Variants in MAF observed in about 807,000 individuals in gnomAD.
The protein encoded by MAF is MAF bZIP transcription factor, also known as transcription factor Maf.
Under a neutral mutation model 22.0 loss-of-function variants are expected in MAF, and 10 were observed. That is an observed-to-expected ratio of 0.45 (90% CI 0.28 to 0.77). The LOEUF is 0.77. Ranked by LOEUF, MAF falls within the 30% of genes least tolerant of loss-of-function variation. The pLI is 0.12. For missense variants in MAF, 544 were observed against 548.4 expected (o/e 0.99, Z 0.08); for synonymous variants, 337 against 255.8 (o/e 1.32, Z -3.03).
the MAF span, among the ~76,000 whole-genome samples, chr16:79,565,225 C>A: frequency 2.0e-5 from 3 of 152,196 alleles, no homozygotes; most frequent in South Asian, 2.1e-4. Context: ...TGAACCCGGC[C>A]CAATTACCTG....
chr16:79,470,033 C>T, the MAF span, among the ~76,000 whole-genome samples: 363 of 152,320 alleles, frequency 2.4e-3, 2 homozygotes, highest in African/African-American at 7.2e-3. Context: ...CAGAAACGTG[C>T]GGTCTGCTCC....
At chr16:79,302,138 G>A in the MAF span, among the ~76,000 whole-genome samples, 101 of 152,330 alleles carry the variant, frequency 6.6e-4, no homozygotes, top group Admixed American at 1.0e-3. Flanking sequence ...GGTGCCAGGC[G>A]AGGGCTGGGA....
chr16:79,208,282 A>G, the MAF span, among the ~76,000 whole-genome samples: 9 of 152,004 alleles, frequency 5.9e-5, no homozygotes, highest in African/African-American at 1.7e-4. Flanking sequence ...GTCGTCAACA[A>G]CCTAACTCAT....
At chr16:79,571,677 G>A in the MAF span, among the ~76,000 whole-genome samples, 6 of 151,728 alleles carry the variant, frequency 4.0e-5, no homozygotes, top group Admixed American at 6.6e-5. Flanking sequence ...TCTATCCTCT[G>A]CTCTCCTAGG....
At chr16:79,210,768 G>C in the MAF span, among the ~76,000 whole-genome samples, 1 of 152,090 alleles carries the variant, frequency 6.6e-6, no homozygotes, top group Non-Finnish European at 1.5e-5. Context: ...ATCCCTGACA[G>C]TATTCTGTCA....
the MAF span, among the ~76,000 whole-genome samples, chr16:79,579,978 A>G: frequency 6.6e-6 from 1 of 152,184 alleles, no homozygotes; most frequent in Non-Finnish European, 1.5e-5. Flanking sequence ...CAGCGATGGC[A>G]TGTTTTTTTT....
chr16:79,491,171 T>C, the MAF span, among the ~76,000 whole-genome samples: 67 of 152,288 alleles, frequency 4.4e-4, no homozygotes, highest in Non-Finnish European at 5.1e-4. Flanking sequence ...GAGCTTACTA[T>C]GTGCTTTCAG....
chr16:79,347,568 C>A, the MAF span, among the ~76,000 whole-genome samples: 3 of 152,318 alleles, frequency 2.0e-5, no homozygotes, highest in African/African-American at 4.8e-5. Context: ...AAAGTTCTTG[C>A]GCTTCGCATG....
chr16:79,586,054 A>C, intron 1 of MAF: 1 of 556,584 alleles, frequency 1.8e-6, no homozygotes, highest in Non-Finnish European at 3.1e-6. Context: ...GCAGAATTAC[A>C]CCAAAAGAAG....
chr16:79,436,399 T>C, the MAF span, among the ~76,000 whole-genome samples: 1 of 152,232 alleles, frequency 6.6e-6, no homozygotes, highest in Non-Finnish European at 1.5e-5. Flanking sequence ...AATTTATTTT[T>C]AAAATAGGTC....
At chr16:79,545,358 C>T in the MAF span, among the ~76,000 whole-genome samples, 3 of 152,124 alleles carry the variant, frequency 2.0e-5, no homozygotes, top group Admixed American at 2.0e-4. Flanking sequence ...GGGGCCCATG[C>T]AAAACGACAA....
the MAF span, among the ~76,000 whole-genome samples, chr16:79,325,596 CAA>C: frequency 2.2e-5 from 3 of 135,164 alleles, no homozygotes; most frequent in African/African-American, 3.2e-5. Context: ...TACCCAGACA[CAA>C]ACACACACAC....
the MAF span, among the ~76,000 whole-genome samples, chr16:79,518,072 A>G: frequency 1.3e-5 from 2 of 152,224 alleles, no homozygotes; most frequent in Admixed American, 6.5e-5. Context: ...CGGGCATCCT[A>G]TTAACCTTTG....
At chr16:79,389,294 C>CTCTGTTGCCCAGGCTGGAGTGCAG in the MAF span, among the ~76,000 whole-genome samples, 3 of 152,196 alleles carry the variant, frequency 2.0e-5, no homozygotes, top group Non-Finnish European at 4.4e-5. Context: ...CAGAGTCTCA[C>CTCTGTTGCCCAGGCTGGAGTGCAG]TCTGTTGCCC....
the MAF span, among the ~76,000 whole-genome samples, chr16:79,286,416 A>C: frequency 1.3e-5 from 2 of 152,238 alleles, no homozygotes; most frequent in African/African-American, 4.8e-5. Context: ...CCCACCATCA[A>C]GTAGCAGATA....
At chr16:79,331,925 C>G in the MAF span, among the ~76,000 whole-genome samples, 1 of 152,214 alleles carries the variant, frequency 6.6e-6, no homozygotes, top group Non-Finnish European at 1.5e-5. Flanking sequence ...GGCATCCTAT[C>G]TCTATCATTC....
At chr16:79,547,093 G>C in the MAF span, among the ~76,000 whole-genome samples, 13,471 of 152,100 alleles carry the variant, frequency 0.089, 693 homozygotes, top group Middle Eastern at 0.15. Context: ...TCTGAAATCA[G>C]ACGTATCTAG....
the MAF span, among the ~76,000 whole-genome samples, chr16:79,480,817 T>G: frequency 6.6e-6 from 1 of 152,160 alleles, no homozygotes; most frequent in East Asian, 1.9e-4. Context: ...ATTCCCTTCC[T>G]CTGGGAAAAC....
At chr16:79,516,228 G>A in the MAF span, 7 of 152,082 alleles carry the variant, frequency 4.6e-5, no homozygotes, top group South Asian at 6.2e-4. Context: ...GTCCAGCATC[G>A]GGATTTAGGG....
Sources: allele counts gnomAD v4.1 joint callset (sites outside exome capture counted in the v4.1 genomes callset), GRCh38; gene constraint gnomAD v4.1.1; transcripts MANE v1.5; gene names NCBI Gene and HGNC (gene_info 2026-07-23, HGNC 2026-07-21).